Variants in ZC2HC1A observed in about 807,000 individuals in gnomAD.
ZC2HC1A encodes zinc finger C2HC-type containing 1A, also known as zinc finger C2HC domain-containing protein 1A.
In ZC2HC1A, 28 loss-of-function variants were observed where a neutral mutation model predicts 40.7. The ratio of observed to expected loss-of-function variants is 0.69; its 90% confidence interval spans 0.51 to 0.94. ZC2HC1A has a LOEUF of 0.94. Among genes scored for constraint, ZC2HC1A ranks in the 40% least tolerant of loss-of-function variants. The pLI is 0.00. For synonymous variants in ZC2HC1A, 129 were observed against 129.2 expected, an observed-to-expected ratio of 1.00 and a Z score of 0.01; for missense variants, 389 against 386.3, an observed-to-expected ratio of 1.01 and a Z score of -0.06.
intron 8 of ZC2HC1A, 105 bp from the exon 9 acceptor site, chr8:78,717,223 G>T: frequency 9.7e-7 from 1 of 1,034,918 alleles, no homozygotes; most frequent in Non-Finnish European, 1.3e-6. Flanking sequence ...TTAAAAACGA[G>T]ATTAAGCAGG....
intron 6 of ZC2HC1A, among the ~76,000 whole-genome samples, chr8:78,697,878 C>G (rs886992706): frequency 1.3e-5 from 2 of 151,924 alleles, no homozygotes; most frequent in Non-Finnish European, 2.9e-5. Context: ...TGGGGTTTCA[C>G]CAAGTTAGCC....
chr8:78,693,428 C>A (rs1306529091), intron 5 of ZC2HC1A, among the ~76,000 whole-genome samples: 3 of 152,202 alleles, frequency 2.0e-5, no homozygotes, highest in Non-Finnish European at 1.5e-5. Context: ...GCCATTCTAA[C>A]TGGTGTGAGA....
chr8:78,672,372 G>C (rs1831200209), intron 1 of ZC2HC1A, among the ~76,000 whole-genome samples: 1 of 152,072 alleles, frequency 6.6e-6, no homozygotes, highest in African/African-American at 2.4e-5. Context: ...CTTAATATAA[G>C]TATCATATGT....
chr8:78,686,482 A>G lies in ZC2HC1A; in HGVS notation c.226A>G (p.Lys76Glu), dbSNP rs752341988. Residue 76 changes from lysine to glutamate, a missense_variant, in exon 4 of 9, where the codon AAA becomes GAA. Lys to Glu is a moderately conservative substitution (Grantham distance 56). Transcript: ENST00000263849. ...TTATTTATAGCCAGAACCACCAAAG[A>G]AACCATCTAATTGGAGAAGGAAACA... ...PLKPRPEPPK[K>E]PSNWRRKHEE... 1.3e-6 allele frequency: 2 copies of G among 1,510,840 alleles called. No homozygotes were observed. The highest frequency in any genetic ancestry group is 2.8e-5 in the African/African-American group (2 of 70,234). The allele number at this position is 1,510,840 out of a possible 1,614,324, so 93.6% of individuals were successfully genotyped here. A position where few individuals can be genotyped will look rare whatever the true frequency, so the allele number is the denominator to read the frequency against.
At chr8:78,671,437 C>T (rs1809435548) in intron 1 of ZC2HC1A, among the ~76,000 whole-genome samples, 1 of 152,184 alleles carries the variant, frequency 6.6e-6, no homozygotes, top group African/African-American at 2.4e-5. Context: ...CCAATAATCA[C>T]CCCTCTGAAT....
chr8:78,679,748 AT>A (rs1234993792), intron 3 of ZC2HC1A, among the ~76,000 whole-genome samples: 1 of 152,136 alleles, frequency 6.6e-6, no homozygotes, highest in Non-Finnish European at 1.5e-5. Context: ...GTATAAGAAC[AT>A]TTTTCTAGGG....
At chr8:78,686,424 ACTGT>A in intron 3 of ZC2HC1A, 39 bp from the exon 4 acceptor site, 4 of 1,182,924 alleles carry the variant, frequency 3.4e-6, no homozygotes, top group Non-Finnish European at 3.3e-6. Context: ...CTAAAAAGAT[ACTGT>A]TTGTTTATTT....
chr8:78,691,125 G>A (rs1810198492), intron 5 of ZC2HC1A, among the ~76,000 whole-genome samples: 1 of 152,242 alleles, frequency 6.6e-6, no homozygotes, highest in Non-Finnish European at 1.5e-5. Flanking sequence ...GGTGATGACA[G>A]TGGACCTCCT....
At chr8:78,689,862 A>G (rs1000802736) in intron 5 of ZC2HC1A, among the ~76,000 whole-genome samples, 12 of 152,122 alleles carry the variant, frequency 7.9e-5, no homozygotes, top group Admixed American at 7.2e-4. Flanking sequence ...CTTATCTTGT[A>G]TCAAAGAAAT....
At chr8:78,703,924 T>C (rs1810687209) in intron 7 of ZC2HC1A, among the ~76,000 whole-genome samples, 1 of 152,212 alleles carries the variant, frequency 6.6e-6, no homozygotes, top group Admixed American at 6.5e-5. Context: ...CTCGTAATTG[T>C]CTTTTCTTTC....
chr8:78,687,559 CATA>C (rs1194361275), intron 4 of ZC2HC1A, among the ~76,000 whole-genome samples: 2 of 137,122 alleles, frequency 1.5e-5, no homozygotes, highest in African/African-American at 5.4e-5. Flanking sequence ...TTTATATTTA[CATA>C]ATAAATTATA....
At chr8:78,687,846 TA>T in intron 4 of ZC2HC1A, among the ~76,000 whole-genome samples, 1 of 100,266 alleles carries the variant, frequency 1.0e-5, no homozygotes, top group Non-Finnish European at 2.3e-5. Context: ...ATTATATATA[TA>T]TTTATATAAT....
Position 78,666,096 on chromosome 8 carries a change from G to T in ZC2HC1A, c.-53G>T, listed in dbSNP as rs914415096. 1 of 1,555,184 alleles carries T rather than the reference G, an allele frequency of 6.4e-7. No individual in the cohort carries two copies. ...GGCTGGGTTGCTACAGCCAGAGCTGGGCGGTGGCGGGCGCTGCTGAAGGAG... is the reference window on the plus strand; with the variant it reads ...GGCTGGGTTGCTACAGCCAGAGCTGTGCGGTGGCGGGCGCTGCTGAAGGAG... On this transcript the variant is annotated 5_prime_UTR_variant, in exon 1 of 9. Transcript: ENST00000263849.
intron 4 of ZC2HC1A, among the ~76,000 whole-genome samples, chr8:78,687,856 A>C (rs1289295227): frequency 2.4e-5 from 2 of 84,940 alleles, no homozygotes; most frequent in Non-Finnish European, 5.9e-5. Flanking sequence ...TATTTATATA[A>C]TATATATCTA....
intron 7 of ZC2HC1A, among the ~76,000 whole-genome samples, chr8:78,709,074 T>C (rs1379921023): frequency 1.3e-5 from 2 of 152,220 alleles, no homozygotes; most frequent in African/African-American, 4.8e-5. Context: ...TACACAGTTG[T>C]ACCTTATTAC....
At chr8:78,696,369 C>T (rs183162899) in intron 5 of ZC2HC1A, among the ~76,000 whole-genome samples, 12 of 152,192 alleles carry the variant, frequency 7.9e-5, no homozygotes, top group Admixed American at 3.9e-4. Context: ...ATCTTGATAC[C>T]GTATTGGGCT....
At chr8:78,688,386 A>T (rs1810094530) in intron 4 of ZC2HC1A, among the ~76,000 whole-genome samples, 1 of 152,122 alleles carries the variant, frequency 6.6e-6, no homozygotes, top group Non-Finnish European at 1.5e-5. Flanking sequence ...GAGGTTTAAG[A>T]CCTACTCCAG....
At chr8:78,696,501 T>G (rs1476293679) in intron 5 of ZC2HC1A, among the ~76,000 whole-genome samples, 1 of 152,200 alleles carries the variant, frequency 6.6e-6, no homozygotes, top group Non-Finnish European at 1.5e-5. Context: ...GGCAAGTTCA[T>G]TTCTTGCTAT....
chr8:78,705,304 T>G (rs1810735542), intron 7 of ZC2HC1A, among the ~76,000 whole-genome samples: 1 of 152,218 alleles, frequency 6.6e-6, no homozygotes, highest in African/African-American at 2.4e-5. Flanking sequence ...GTTTGTTTTT[T>G]TGAACAACTC....
Sources: allele counts gnomAD v4.1 joint callset (sites outside exome capture counted in the v4.1 genomes callset), GRCh38; gene constraint gnomAD v4.1.1; transcripts MANE v1.5; gene names NCBI Gene and HGNC (gene_info 2026-07-23, HGNC 2026-07-21).